PHAX: variants seen among roughly 807,000 people sequenced by gnomAD.
PHAX encodes phosphorylated adapter RNA export protein.
A neutral mutation model predicts 41.6 loss-of-function variants in PHAX; 31 were observed. The observed-to-expected ratio is 0.75, with a 90% CI of 0.56 to 1.01. PHAX has a LOEUF of 1.01. PHAX is among the 50% of genes least tolerant of loss of function. The probability of loss-of-function intolerance (pLI) is 0.00; values close to 1 mark genes in which losing one functional copy is unlikely to be tolerated. For synonymous variants in PHAX, 175 were observed against 164.9 expected (o/e 1.06, Z -0.47); for missense variants, 453 against 472.9 (o/e 0.96, Z 0.39).
intron 3 of PHAX, among the ~76,000 whole-genome samples, chr5:126,613,755 T>C (rs1018497615): frequency 2.7e-5 from 4 of 150,804 alleles, no homozygotes; most frequent in Non-Finnish European, 5.9e-5. Flanking sequence ...GTGGTTTTTT[T>C]CTTTTCTTTT....
chr5:126,606,287 C>G (rs1219349090), intron 2 of PHAX, among the ~76,000 whole-genome samples: 4 of 152,088 alleles, frequency 2.6e-5, no homozygotes, highest in Non-Finnish European at 5.9e-5. Context: ...CCTCCGCCTC[C>G]TGGGTTCAAG....
rs747990757 is a variant in PHAX at position 126,608,472 on chromosome 5, T to C, written c.819T>C (p.Gly273=). 16 of 1,613,590 alleles carry C rather than the reference T, an allele frequency of 9.9e-6. No individual in the cohort carries two copies. In the East Asian group the frequency reaches 3.6e-4, roughly 36 times the overall value. The change falls in exon 3 of 5, where the codon GGT becomes GGC. Residue 273 remains glycine, a synonymous_variant. Transcript: ENST00000297540. The part of the protein sequence containing the change: ...METAEVEQNG[G]LFIMNGSRRR... ...CCGCTGAAGTTGAACAAAATGGTGG[T>C]CTCTTTATAATGGTAAGACTGCTTA...
rs1363095208 is a variant in PHAX, at chr5:126,624,641, CA to C, written c.984del (p.Val329CysfsTer6). On this transcript the variant is annotated frameshift_variant, in exon 5 of 5. Coordinates refer to ENST00000297540, the MANE Select transcript of PHAX (RefSeq NM_032177.4). LOFTEE classifies it high-confidence loss of function. ...AAAAGCTGCTAGGAAGAGGAGAACA[CA>C]AGTGTTGGGGAAAAAGATGAAACAA... Reference protein sequence around the residue: ...NKKAARKRRTQVLGKKMKQAI... With the variant: ...NKKAARKRRTXVLGKKMKQAI... 6.2e-7 allele frequency: 1 copy of C among 1,613,244 alleles called. No homozygotes were observed. Among genetic ancestry groups the C allele is most frequent in the East Asian group, 2.2e-5 (1 of 44,866 alleles).
intron 3 of PHAX, among the ~76,000 whole-genome samples, chr5:126,615,609 A>T: frequency 6.6e-6 from 1 of 151,576 alleles, no homozygotes; most frequent in Non-Finnish European, 1.5e-5. Flanking sequence ...TAAGTGCAAG[A>T]AGACTGTGAC....
chr5:126,623,917 C>T (rs1441216522), intron 4 of PHAX, among the ~76,000 whole-genome samples: 1 of 151,980 alleles, frequency 6.6e-6, no homozygotes, highest in African/African-American at 2.4e-5. Context: ...ACCTTTGAAC[C>T]GTCTCTGTTT....
intron 4 of PHAX, among the ~76,000 whole-genome samples, chr5:126,623,517 CATT>C (rs1240806582): frequency 1.3e-5 from 2 of 152,152 alleles, no homozygotes; most frequent in African/African-American, 2.4e-5. Flanking sequence ...TAGCAAGCCT[CATT>C]ATATTCTGAA....
Position 126,624,860 on chromosome 5 carries a change from T to G in PHAX, c.*16T>G. ...CATCTTTTAAGTACATTTTCAACAG[T>G]TTGAGGACTAAGCCTTTCTAAAATA... On this transcript the variant is annotated 3_prime_UTR_variant, in exon 5 of 5. Coordinates refer to ENST00000297540, the MANE Select transcript of PHAX (RefSeq NM_032177.4). 1 of 1,591,528 alleles carries G rather than the reference T, an allele frequency of 6.3e-7. No individual in the cohort carries two copies. The highest frequency in any genetic ancestry group is 8.5e-7 in the Non-Finnish European group (1 of 1,170,344).
chr5:126,604,131 G>A lies in PHAX; in HGVS notation c.658G>A (p.Glu220Lys). 3 of 1,581,706 alleles carry A rather than the reference G, an allele frequency of 1.9e-6. No homozygotes were observed. Among genetic ancestry groups the A allele is most frequent in the East Asian group, 2.2e-5 (1 of 44,610 alleles). The change falls in exon 2 of 5, where the codon GAG becomes AAG. Residue 220 changes from glutamate to lysine, a missense_variant. By Grantham distance (56) the Glu-to-Lys change is moderately conservative (BLOSUM62 1). Coordinates refer to ENST00000297540, the MANE Select transcript of PHAX (RefSeq NM_032177.4). ...AGAAATGAACTATAAAGGTCGATAC[G>A]AGATCACAGCGGAAGATTCTCAAGA... ...RPEMNYKGRY[E>K]ITAEDSQEKV...
chr5:126,603,648 G>A lies in PHAX; in HGVS notation c.175G>A (p.Ala59Thr). Residue 59 changes from alanine to threonine, a missense_variant, in exon 2 of 5, where the codon GCT becomes ACT. Physicochemically the swap from Ala to Thr is moderately conservative, Grantham distance 58. Coordinates refer to ENST00000297540, the MANE Select transcript of PHAX (RefSeq NM_032177.4). The stretch of plus-strand genomic sequence containing the variant: ...ATGTGCACCAGTATCACATTATCGA[G>A]CTGTTGAAAGTGTGGATTCAAGTGA... ...TACAPVSHYR[A>T]VESVDSSEES... is the part of the protein sequence containing the mutation. 6.2e-7 allele frequency: 1 copy of A among 1,614,158 alleles called. No homozygotes were observed. The highest frequency in any genetic ancestry group is 8.5e-7 in the Non-Finnish European group (1 of 1,180,000).
rs761125079 is a variant in PHAX at position 126,609,095 on chromosome 5, A to ATTTTTTTTTTTTTTTT, written c.831+619_831+634dup. On this transcript the variant is annotated intron_variant, in intron 3 of 4. Coordinates refer to ENST00000297540, the MANE Select transcript of PHAX (RefSeq NM_032177.4). ...ATGATTTGTTAAAGGTAGGGGTTGA[A>ATTTTTTTTTTTTTTTT]TTTTTTTTTTTTTTTTTTTTTTTGA... 3.0e-4 allele frequency among the ~76,000 whole-genome samples: 30 copies of ATTTTTTTTTTTTTTTT among 101,232 alleles called. 2 individuals carry two copies. Among genetic ancestry groups the ATTTTTTTTTTTTTTTT allele is most frequent in the Middle Eastern group, 7.1e-3 (1 of 140 alleles). The allele number at this position is 101,232 out of a possible 152,430, so 66.4% of individuals were successfully genotyped here. A position where few individuals can be genotyped will look rare whatever the true frequency, so the allele number is the denominator to read the frequency against.
At chr5:126,601,265 G>C (rs1450054270) in intron 1 of PHAX, among the ~76,000 whole-genome samples, 2 of 152,014 alleles carry the variant, frequency 1.3e-5, no homozygotes, top group Non-Finnish European at 2.9e-5. Flanking sequence ...GGGGCCGAGG[G>C]GCGAGGGGCG....
chr5:126,607,814 AT>A (rs1006892290), intron 2 of PHAX, among the ~76,000 whole-genome samples: 8 of 152,176 alleles, frequency 5.3e-5, no homozygotes, highest in Admixed American at 5.2e-4. Context: ...TATCTTGTAC[AT>A]TCTTGAGAGA....
intron 1 of PHAX, among the ~76,000 whole-genome samples, chr5:126,602,956 G>A (rs2112827969): frequency 6.7e-6 from 1 of 149,348 alleles, no homozygotes; most frequent in East Asian, 2.0e-4. Context: ...AGTGAGCCGA[G>A]ATCGCGCCAC....
intron 1 of PHAX, among the ~76,000 whole-genome samples, chr5:126,601,601 C>T (rs1029726151): frequency 6.6e-6 from 1 of 152,192 alleles, no homozygotes; most frequent in Non-Finnish European, 1.5e-5. Flanking sequence ...ATCTGGTTTT[C>T]CATGTTTCCA....
In PHAX at chr5:126,624,791, G is replaced by A. The variant is rs1417819335; in HGVS notation, c.1132G>A (p.Glu378Lys). The stretch of plus-strand genomic sequence containing the variant: ...GGAAGGACATGCAGAAGCCAAGTTG[G>A]AGGCAGAGGAAGCCATTGAAGTTGA... ...SQEGHAEAKL[E>K]AEEAIEVDHS... The change falls in exon 5 of 5, where the codon GAG (glutamate) becomes AAG (lysine). Residue 378 changes from glutamate (E) to lysine (K), a missense_variant. Physicochemically the swap from Glu to Lys is moderately conservative, Grantham distance 56. Coordinates refer to ENST00000297540, the MANE Select transcript of PHAX (RefSeq NM_032177.4). 2 of 1,613,312 alleles carry A rather than the reference G, an allele frequency of 1.2e-6. No individual in the cohort carries two copies. Among genetic ancestry groups the A allele is most frequent in the Non-Finnish European group, 1.7e-6 (2 of 1,179,874 alleles).
At chr5:126,622,510 C>T (rs970239103) in intron 4 of PHAX, among the ~76,000 whole-genome samples, 1 of 125,558 alleles carries the variant, frequency 8.0e-6, no homozygotes, top group Non-Finnish European at 1.6e-5. Context: ...CCAGGCTGGT[C>T]TCGAACTCCT....
chr5:126,610,369 C>G (rs1046634133), intron 3 of PHAX, among the ~76,000 whole-genome samples: 2 of 152,100 alleles, frequency 1.3e-5, no homozygotes, highest in Admixed American at 6.6e-5. Flanking sequence ...AGTCTGAATA[C>G]TGTAATAACA....
chr5:126,622,576 C>T (rs867594096), intron 4 of PHAX, among the ~76,000 whole-genome samples: 3 of 148,640 alleles, frequency 2.0e-5, no homozygotes, highest in South Asian at 2.1e-4. Flanking sequence ...TACAAGAATG[C>T]GCTACCACAC....
intron 3 of PHAX, among the ~76,000 whole-genome samples, chr5:126,608,688 G>A (rs1752025782): frequency 1.3e-5 from 2 of 152,036 alleles, no homozygotes; most frequent in Non-Finnish European, 1.5e-5. Flanking sequence ...TGTATTCCTA[G>A]CACTTTGGGA....
Sources: gnomAD v4.1 joint callset for allele counts (sites outside exome capture counted in the v4.1 genomes callset) on GRCh38, gnomAD v4.1.1 for gene constraint, MANE v1.5 for transcripts, NCBI Gene and HGNC (gene_info 2026-07-23, HGNC 2026-07-21) for gene names.